The following PDE4B variants were observed in gnomAD, a reference collection of about 807,000 sequenced individuals.
The protein encoded by PDE4B is 3',5'-cyclic-AMP phosphodiesterase 4B.
Under a neutral mutation model 82.2 loss-of-function variants are expected in PDE4B, and 20 were observed. The observed-to-expected ratio is 0.24, with a 90% CI of 0.17 to 0.35. The LOEUF is 0.35. Among genes scored for constraint, PDE4B ranks in the 10% least tolerant of loss-of-function variants. The pLI, the probability that PDE4B is intolerant of heterozygous loss-of-function variation, is 1.00. For synonymous variants in PDE4B, 320 were observed against 318.9 expected (o/e 1.00, Z -0.04); for missense variants, 655 against 907.2 (o/e 0.72, Z 3.57).
At chr1:66,141,038 C>T (rs1646160171) in intron 3 of PDE4B, among the ~76,000 whole-genome samples, 2 of 151,962 alleles carry the variant, frequency 1.3e-5, no homozygotes, top group Admixed American at 1.3e-4. Context: ...TTTTGGTTGT[C>T]AAAGATATCA....
intron 2 of PDE4B, among the ~76,000 whole-genome samples, chr1:65,916,262 C>G (rs1647158418): frequency 6.6e-6 from 1 of 152,092 alleles, no homozygotes; most frequent in Non-Finnish European, 1.5e-5. Context: ...AAGAATATTT[C>G]AAATTTGAAA....
intron 3 of PDE4B, among the ~76,000 whole-genome samples, chr1:66,034,671 T>C (rs1015209762): frequency 5.9e-5 from 9 of 152,186 alleles, no homozygotes; most frequent in African/African-American, 2.2e-4. Flanking sequence ...ATGTTTTCCT[T>C]GCATTCTTTG....
In PDE4B at chr1:66,373,720, T is replaced by C. The variant is rs2050865718; in HGVS notation, c.*1042T>C. The C allele has an allele frequency of 1.3e-5, 2 of 152,642 alleles. No homozygotes were observed. Among genetic ancestry groups the C allele is most frequent in the South Asian group, 4.1e-4 (2 of 4,834 alleles). The allele number at this position is 152,642 out of a possible 1,614,324, so 9.5% of individuals were successfully genotyped here. A position where few individuals can be genotyped will look rare whatever the true frequency, so the allele number is the denominator to read the frequency against. ...TATATCTAACATTGCCTGCCAATGGTGGTGTTAAATTTGTGTAGAAAACTC... is the reference window on the plus strand; with the variant it reads ...TATATCTAACATTGCCTGCCAATGGCGGTGTTAAATTTGTGTAGAAAACTC... On this transcript the variant is annotated 3_prime_UTR_variant, in exon 17 of 17. Transcript: ENST00000341517.
intron 3 of PDE4B, among the ~76,000 whole-genome samples, chr1:66,102,209 T>C (rs1388372655): frequency 6.6e-6 from 1 of 151,952 alleles, no homozygotes; most frequent in African/African-American, 2.4e-5. Context: ...TAATCTAAGA[T>C]CTTTTAGAGT....
In PDE4B at chr1:66,095,446, A is replaced by G. The variant is rs535406418; in HGVS notation, c.282-152014A>G. On this transcript the variant is annotated intron_variant, in intron 3 of 16. Coordinates refer to ENST00000341517, the MANE Select transcript of PDE4B (RefSeq NM_002600.4). ...AAACTAAGGTCAAAGGAACTGTGTC[A>G]CATAGCTAATAGTGGAATACCTGGG... 5.3e-5 allele frequency among the ~76,000 whole-genome samples: 8 copies of G among 152,044 alleles called. No individual in the cohort carries two copies. The South Asian group carries it at 1.7e-3, about 31-fold the overall frequency.
intron 3 of PDE4B, among the ~76,000 whole-genome samples, chr1:65,936,956 A>G (rs1050771813): frequency 6.6e-6 from 1 of 152,220 alleles, no homozygotes; most frequent in Non-Finnish European, 1.5e-5. Context: ...CAGCTTAATG[A>G]TACCATAGAA....
chr1:66,169,089 A>G (rs1646790873), intron 3 of PDE4B, among the ~76,000 whole-genome samples: 1 of 152,208 alleles, frequency 6.6e-6, no homozygotes, highest in Non-Finnish European at 1.5e-5. Context: ...TTTGATTGCA[A>G]ACCAATCTTT....
intron 3 of PDE4B, among the ~76,000 whole-genome samples, chr1:65,988,735 T>C (rs1651085311): frequency 6.6e-6 from 1 of 152,022 alleles, no homozygotes; most frequent in Admixed American, 6.6e-5. Context: ...GTGGGAACCA[T>C]GTTATTTTGA....
intron 3 of PDE4B, among the ~76,000 whole-genome samples, chr1:65,924,210 G>A (rs1278396991): frequency 7.0e-6 from 1 of 142,630 alleles, no homozygotes; most frequent in Non-Finnish European, 1.5e-5. Context: ...AAGTAGCTGG[G>A]ACTACAGGCG....
At chr1:66,149,444 A>G (rs977994986) in intron 3 of PDE4B, among the ~76,000 whole-genome samples, 3 of 152,210 alleles carry the variant, frequency 2.0e-5, no homozygotes, top group Non-Finnish European at 4.4e-5. Flanking sequence ...TTTGTAGCAC[A>G]TTAATTTTGA....
At chr1:66,355,282 C>T (rs1177027542) in intron 8 of PDE4B, 1 of 397,738 alleles carries the variant, frequency 2.5e-6, no homozygotes, top group Non-Finnish European at 4.5e-6. Flanking sequence ...AATTCCTTTT[C>T]CTATGTTTGC....
intron 3 of PDE4B, among the ~76,000 whole-genome samples, chr1:66,101,726 A>G (rs1645228733): frequency 6.6e-6 from 1 of 151,962 alleles, no homozygotes; most frequent in Admixed American, 6.6e-5. Flanking sequence ...TAGATTCTGG[A>G]TATTAGCCCT....
chr1:65,919,775 A>G (rs1457673251), intron 3 of PDE4B, among the ~76,000 whole-genome samples: 1 of 152,182 alleles, frequency 6.6e-6, no homozygotes, highest in Non-Finnish European at 1.5e-5. Context: ...TGAGCTCTCC[A>G]GGGCTGATGA....
intron 9 of PDE4B, among the ~76,000 whole-genome samples, chr1:66,359,259 T>C (rs1479753759): frequency 6.6e-6 from 1 of 152,240 alleles, no homozygotes; most frequent in Non-Finnish European, 1.5e-5. Context: ...GACATGAGCC[T>C]CAAATTATGC....
intron 3 of PDE4B, among the ~76,000 whole-genome samples, chr1:66,244,712 T>C (rs1032157794): frequency 2.0e-5 from 3 of 152,198 alleles, no homozygotes; most frequent in African/African-American, 7.2e-5. Flanking sequence ...GCCATTTGTC[T>C]CCCTAAGACT....
At chr1:66,093,256 G>T (rs1373542549) in intron 3 of PDE4B, among the ~76,000 whole-genome samples, 4 of 152,022 alleles carry the variant, frequency 2.6e-5, no homozygotes, top group Admixed American at 2.6e-4. Flanking sequence ...ATGGGGTGGG[G>T]TGGAGAAAAT....
intron 3 of PDE4B, among the ~76,000 whole-genome samples, chr1:66,069,806 C>T (rs184612900): frequency 6.6e-6 from 1 of 152,048 alleles, no homozygotes; most frequent in South Asian, 2.1e-4. Flanking sequence ...TGTAAATTGG[C>T]CCTTCATTGT....
intron 3 of PDE4B, among the ~76,000 whole-genome samples, chr1:65,948,173 C>T (rs1005278010): frequency 3.3e-5 from 5 of 151,662 alleles, no homozygotes; most frequent in African/African-American, 9.7e-5. Flanking sequence ...CCCAATTGTA[C>T]ATTTGGAAAT....
At chr1:66,312,743 A>C (rs1278663546) in intron 7 of PDE4B, among the ~76,000 whole-genome samples, 2 of 152,230 alleles carry the variant, frequency 1.3e-5, no homozygotes, top group Non-Finnish European at 2.9e-5. Context: ...CCCATGGGCC[A>C]GCCACATGTT....
Sources: allele counts gnomAD v4.1 joint callset (sites outside exome capture counted in the v4.1 genomes callset), GRCh38; gene constraint gnomAD v4.1.1; transcripts MANE v1.5; gene names NCBI Gene and HGNC (gene_info 2026-07-23, HGNC 2026-07-21).